MAP4K5: variants seen among roughly 807,000 people sequenced by gnomAD.
The protein encoded by MAP4K5 is mitogen-activated protein kinase kinase kinase kinase 5, also known as MAPK/ERK kinase kinase kinase 5.
In MAP4K5, 82 loss-of-function variants were observed where a neutral mutation model predicts 135.6. The observed-to-expected ratio is 0.60, with a 90% confidence interval of 0.51 to 0.73. The LOEUF (loss-of-function observed/expected upper bound fraction) is 0.73. Ranked by LOEUF, MAP4K5 falls within the 30% of genes least tolerant of loss-of-function variation. The pLI, the probability that MAP4K5 is intolerant of heterozygous loss-of-function variation, is 0.00. For synonymous variants in MAP4K5, 347 were observed against 335.0 expected (o/e 1.04, Z -0.39); for missense variants, 907 against 1,010.9 (o/e 0.90, Z 1.39).
chr14:50,559,511 T>C (rs1412475939), intron 1 of MAP4K5: 2 of 152,258 alleles, frequency 1.3e-5, no homozygotes, highest in African/African-American at 4.8e-5. Context: ...TAGTATGATT[T>C]CAGCTCAAAT....
intron 3 of MAP4K5, among the ~76,000 whole-genome samples, chr14:50,502,811 A>T (rs938870383): frequency 6.6e-6 from 1 of 152,134 alleles, no homozygotes; most frequent in Non-Finnish European, 1.5e-5. Context: ...AGGCACTTCA[A>T]ATCTGTGGAT....
chr14:50,485,851 G>T (rs2037351943), intron 4 of MAP4K5: 2 of 542,420 alleles, frequency 3.7e-6, no homozygotes, highest in Admixed American at 3.8e-5. Context: ...GATCAGTTTT[G>T]TAAGTTAAAA....
At position 50,442,726 on chromosome 14, in the gene MAP4K5, T is replaced by G. The variant is rs761193939; in HGVS notation, c.1564+6A>C. ...TGGAGATGTATATAAAATTCAAACA[T>G]TTTACCTTTTGTATCAGGATGTATC... On this transcript the variant is annotated splice_donor_region_variant and intron_variant, in intron 21 of 32. Coordinates refer to ENST00000682126, the MANE Select transcript of MAP4K5 (RefSeq NM_006575.6). 67 of 1,556,612 alleles carry G rather than the reference T, an allele frequency of 4.3e-5. No homozygotes were observed. The East Asian group carries it at 1.5e-3, about 35-fold the overall frequency.
chr14:50,457,415 T>TA (rs2036615559), intron 13 of MAP4K5, among the ~76,000 whole-genome samples: 1 of 152,172 alleles, frequency 6.6e-6, no homozygotes, highest in Non-Finnish European at 1.5e-5. Flanking sequence ...ATAATACTTC[T>TA]ACCCACCACG....
upstream of MAP4K5, among the ~76,000 whole-genome samples, chr14:50,537,265 G>A (rs964815994): frequency 1.6e-4 from 25 of 152,354 alleles, no homozygotes; most frequent in African/African-American, 2.9e-4. Context: ...CAGCTTCCAC[G>A]TGGTGTTGAG....
intron 1 of MAP4K5, chr14:50,560,448 G>A (rs2038823772): frequency 1.8e-6 from 2 of 1,098,404 alleles, no homozygotes; most frequent in Non-Finnish European, 2.7e-6. Flanking sequence ...TCCCTGTTTG[G>A]GCGGAGGAAC....
intron 32 of MAP4K5, among the ~76,000 whole-genome samples, chr14:50,420,692 A>G (rs942415852): frequency 3.3e-5 from 5 of 152,208 alleles, no homozygotes; most frequent in Non-Finnish European, 5.9e-5. Flanking sequence ...GTATAATATA[A>G]TACTTTAGGG....
chr14:50,553,021 A>T (rs2038721899), intron 1 of MAP4K5, among the ~76,000 whole-genome samples: 1 of 152,154 alleles, frequency 6.6e-6, no homozygotes, highest in African/African-American at 2.4e-5. Context: ...GGGGCCAGGC[A>T]TGGTGGCTCA....
At chr14:50,462,854 T>C in intron 12 of MAP4K5, 73 bp from the exon 13 acceptor site, 1 of 846,396 alleles carries the variant, frequency 1.2e-6, no homozygotes. Context: ...CTATCTTCAT[T>C]TTTTCATTCA....
chr14:50,482,945 A>G (rs1213770597), intron 5 of MAP4K5: 1 of 152,994 alleles, frequency 6.5e-6, no homozygotes, highest in African/African-American at 2.4e-5. Context: ...ATGTACTTTA[A>G]AAGATTTAAC....
At chr14:50,523,107 T>C (rs1595545976) in intron 2 of MAP4K5, among the ~76,000 whole-genome samples, 1 of 151,736 alleles carries the variant, frequency 6.6e-6, no homozygotes, top group African/African-American at 2.4e-5. Flanking sequence ...AGGTCGGGAG[T>C]TCGAGACCAG....
intron 2 of MAP4K5, among the ~76,000 whole-genome samples, chr14:50,527,920 A>T (rs978436435): frequency 2.6e-5 from 4 of 152,134 alleles, no homozygotes; most frequent in African/African-American, 9.7e-5. Flanking sequence ...TTTGATACAA[A>T]TATTTGGATA....
intron 28 of MAP4K5, among the ~76,000 whole-genome samples, chr14:50,433,663 A>C (rs2036024687): frequency 6.6e-6 from 1 of 152,230 alleles, no homozygotes; most frequent in African/African-American, 2.4e-5. Context: ...TATGTAACAG[A>C]CTTCTTCAAA....
At chr14:50,455,949 T>A (rs1287545657) in intron 14 of MAP4K5, among the ~76,000 whole-genome samples, 118 of 152,130 alleles carry the variant, frequency 7.8e-4, no homozygotes, top group Non-Finnish European at 1.8e-4. Context: ...AAAACTAATC[T>A]CGCTTTTGAA....
intron 9 of MAP4K5, among the ~76,000 whole-genome samples, chr14:50,469,258 C>T (rs2036901913): frequency 1.3e-5 from 2 of 152,140 alleles, no homozygotes; most frequent in Non-Finnish European, 1.5e-5. Flanking sequence ...CCATACATTG[C>T]TGGCTACCAG....
chr14:50,524,590 A>G (rs1042674895), intron 2 of MAP4K5, among the ~76,000 whole-genome samples: 14 of 152,164 alleles, frequency 9.2e-5, no homozygotes, highest in African/African-American at 3.4e-4. Context: ...GGTGTGACCT[A>G]CTCTAAGGGA....
intron 2 of MAP4K5, among the ~76,000 whole-genome samples, chr14:50,530,040 C>G (rs913501066): frequency 1.3e-5 from 2 of 152,088 alleles, no homozygotes; most frequent in African/African-American, 4.8e-5. Context: ...AGACAAGGAG[C>G]TAAGAACGCC....
intron 2 of MAP4K5, among the ~76,000 whole-genome samples, chr14:50,516,597 C>T (rs1170075459): frequency 2.0e-5 from 3 of 152,222 alleles, no homozygotes; most frequent in African/African-American, 4.8e-5. Context: ...TACAGAGACA[C>T]TATTCTCTGG....
chr14:50,548,861 C>T (rs2140156798), intron 1 of MAP4K5, among the ~76,000 whole-genome samples: 1 of 152,254 alleles, frequency 6.6e-6, no homozygotes, highest in South Asian at 2.1e-4. Context: ...CCTAGAGCAA[C>T]AGCTATTAGC....
Sources: gnomAD v4.1 joint callset for allele counts (sites outside exome capture counted in the v4.1 genomes callset) on GRCh38, gnomAD v4.1.1 for gene constraint, MANE v1.5 for transcripts, NCBI Gene and HGNC (gene_info 2026-07-23, HGNC 2026-07-21) for gene names.